Variants in SPAG17 observed in about 807,000 individuals in gnomAD.
The protein encoded by SPAG17 is sperm associated antigen 17, also known as sperm-associated antigen 17.
SPAG17 carries 169 observed loss-of-function variants against 273.6 expected under a neutral mutation model. The observed-to-expected ratio is 0.62, with a 90% CI of 0.55 to 0.70. SPAG17 has a LOEUF of 0.70. Ranked by LOEUF, SPAG17 falls within the 30% of genes least tolerant of loss-of-function variation. SPAG17 has a pLI of 0.00. For synonymous variants in SPAG17, 825 were observed against 873.2 expected, an observed-to-expected ratio of 0.94 and a Z score of 0.97; for missense variants, 2,557 against 2,627.8, an observed-to-expected ratio of 0.97 and a Z score of 0.59.
At chr1:117,979,120 C>G (rs1655470498) in intron 43 of SPAG17, among the ~76,000 whole-genome samples, 1 of 152,150 alleles carries the variant, frequency 6.6e-6, no homozygotes, top group African/African-American at 2.4e-5. Context: ...CCACCCGCCT[C>G]AGCCTTCCAA....
chr1:118,093,198 C>A lies in SPAG17; in HGVS notation c.1131G>T (p.Val377=). The A allele has an allele frequency of 6.2e-7, 1 of 1,613,558 alleles. No individual in the cohort carries two copies. The highest frequency in any genetic ancestry group is 8.5e-7 in the Non-Finnish European group (1 of 1,179,694). Residue 377 remains valine (V), a synonymous_variant, in exon 8 of 49, where the codon GTG becomes GTT. Transcript: ENST00000336338. The stretch of plus-strand genomic sequence containing the variant: ...CTTCTAATACAGGTTTCTCATTAAC[C>A]ACTTGTGGAACATTAATAAGCTGCA... ...ESMQLINVPQ[V]VNEKPVLEAM...
intron 43 of SPAG17, among the ~76,000 whole-genome samples, chr1:117,978,144 C>G (rs1655338502): frequency 6.6e-6 from 1 of 152,126 alleles, no homozygotes; most frequent in Non-Finnish European, 1.5e-5. Flanking sequence ...TGAGGTCTCT[C>G]ACCAACACTT....
chr1:118,079,703 T>C (rs556804757), intron 15 of SPAG17, among the ~76,000 whole-genome samples: 131 of 152,150 alleles, frequency 8.6e-4, no homozygotes, highest in Non-Finnish European at 1.6e-3. Context: ...TTTAGTTAAT[T>C]AATCTTTAGC....
chr1:117,975,645 G>A (rs1054705800), intron 43 of SPAG17, among the ~76,000 whole-genome samples: 1 of 152,152 alleles, frequency 6.6e-6, no homozygotes, highest in Non-Finnish European at 1.5e-5. Flanking sequence ...GGCTGCTTTT[G>A]GAAGAATAGA....
intron 10 of SPAG17, among the ~76,000 whole-genome samples, chr1:118,087,328 TTACTC>T (rs1478813918): frequency 1.3e-5 from 2 of 152,254 alleles, no homozygotes; most frequent in Non-Finnish European, 2.9e-5. Flanking sequence ...TTCTTAATAT[TTACTC>T]TATCTTAAAG....
chr1:118,048,560 A>C (rs930076541), intron 20 of SPAG17, among the ~76,000 whole-genome samples: 14 of 152,246 alleles, frequency 9.2e-5, no homozygotes, highest in Non-Finnish European at 1.9e-4. Context: ...CAAACAAATA[A>C]AATTGGAAAT....
At chr1:118,093,743 ACT>A (rs1185056656) in intron 7 of SPAG17, among the ~76,000 whole-genome samples, 2 of 152,160 alleles carry the variant, frequency 1.3e-5, no homozygotes, top group Non-Finnish European at 2.9e-5. Context: ...GGAAACACTG[ACT>A]CTGCTTTGTG....
chr1:117,973,909 G>A (rs1039691055), intron 43 of SPAG17, among the ~76,000 whole-genome samples: 1 of 152,124 alleles, frequency 6.6e-6, no homozygotes, highest in African/African-American at 2.4e-5. Context: ...CTACTGAAGT[G>A]AGAACATGTG....
At chr1:117,969,942 T>C in intron 46 of SPAG17, 114 bp downstream of exon 46, 1 of 911,016 alleles carries the variant, frequency 1.1e-6, no homozygotes, top group Non-Finnish European at 1.7e-6. Flanking sequence ...AGTAGACTTA[T>C]ACATAGTTTA....
At chr1:118,146,521 T>C (rs1658999518) in intron 3 of SPAG17, among the ~76,000 whole-genome samples, 1 of 152,206 alleles carries the variant, frequency 6.6e-6, no homozygotes, top group Non-Finnish European at 1.5e-5. Context: ...TCAAAATATG[T>C]ACGGAATTCA....
Position 118,099,775 on chromosome 1 carries a change from T to C in SPAG17, c.660A>G (p.Gln220=), listed in dbSNP as rs1655944409. The C allele has an allele frequency of 1.9e-6, 3 of 1,612,632 alleles. No individual in the cohort carries two copies. The highest frequency in any genetic ancestry group is 2.5e-6 in the Non-Finnish European group (3 of 1,179,882). The part of the protein sequence containing the change: ...YIDDEPDDGA[Q]HYIIVVGFNN... ...TAAAGCCCACAACTATAATGTAATG[T>C]TGGGCACCATCATCTGGCTCATCGT... The change falls in exon 6 of 49, where the codon CAA becomes CAG. Residue 220 remains glutamine (Q), a synonymous_variant. Transcript: ENST00000336338.
intron 48 of SPAG17, chr1:117,959,627 G>A: frequency 1.8e-6 from 1 of 564,518 alleles, no homozygotes; most frequent in Non-Finnish European, 2.8e-6. Flanking sequence ...TTATGGGCTG[G>A]CTCCATTTCT....
intron 1 of SPAG17, among the ~76,000 whole-genome samples, chr1:118,184,286 T>C (rs1488860681): frequency 2.6e-5 from 4 of 152,214 alleles, no homozygotes; most frequent in Admixed American, 2.6e-4. Flanking sequence ...ACTTTTCTCT[T>C]CCCAAATGCT....
intron 35 of SPAG17, 112 bp from the exon 36 acceptor site, chr1:117,992,760 C>A: frequency 1.1e-6 from 1 of 940,288 alleles, no homozygotes; most frequent in Non-Finnish European, 1.5e-6. Context: ...TTTTTAGGGA[C>A]ACAGTGGTGA....
chr1:118,001,458 T>A (rs751584101), intron 32 of SPAG17, among the ~76,000 whole-genome samples: 10 of 152,192 alleles, frequency 6.6e-5, no homozygotes, highest in Non-Finnish European at 1.3e-4. Flanking sequence ...CCTGGACTTT[T>A]TTTGGCTGGT....
At chr1:118,020,187 G>A (rs897521557) in intron 28 of SPAG17, among the ~76,000 whole-genome samples, 1 of 152,208 alleles carries the variant, frequency 6.6e-6, no homozygotes, top group African/African-American at 2.4e-5. Context: ...GGGGGGCCAA[G>A]GCAAGCGGAT....
At chr1:118,148,336 G>A (rs751769597) in intron 3 of SPAG17, among the ~76,000 whole-genome samples, 8 of 152,170 alleles carry the variant, frequency 5.3e-5, no homozygotes, top group African/African-American at 1.9e-4. Context: ...CTGAGCAACA[G>A]CAAGAGTTGT....
At chr1:118,001,202 G>A (rs1658251397) in intron 32 of SPAG17, among the ~76,000 whole-genome samples, 1 of 152,170 alleles carries the variant, frequency 6.6e-6, no homozygotes, top group Non-Finnish European at 1.5e-5. Context: ...AGGTTTTGAT[G>A]TGCGGTTGGA....
At chr1:118,030,499 G>A (rs1397737682) in intron 25 of SPAG17, among the ~76,000 whole-genome samples, 1 of 151,778 alleles carries the variant, frequency 6.6e-6, no homozygotes, top group Non-Finnish European at 1.5e-5. Context: ...ATGTACCATG[G>A]TGGCATGGTG....
Sources: gnomAD v4.1 joint callset for allele counts (sites outside exome capture counted in the v4.1 genomes callset) on GRCh38, gnomAD v4.1.1 for gene constraint, MANE v1.5 for transcripts, NCBI Gene and HGNC (gene_info 2026-07-23, HGNC 2026-07-21) for gene names.